Variants in SLC22A15 observed in about 807,000 individuals in gnomAD.
The protein encoded by SLC22A15 is solute carrier family 22 member 15.
In SLC22A15, 45 loss-of-function variants were observed where a neutral mutation model predicts 62.7. That is an observed-to-expected ratio of 0.72 (90% CI 0.56 to 0.92). SLC22A15 has a LOEUF of 0.92. Ranked by LOEUF, SLC22A15 falls within the 40% of genes least tolerant of loss-of-function variation. The pLI is 0.00. For missense variants in SLC22A15, 622 were observed against 665.6 expected (o/e 0.93, Z 0.72); for synonymous variants, 264 against 267.0 (o/e 0.99, Z 0.11).
At chr1:115,997,566 G>A (rs1655490711) in intron 2 of SLC22A15, among the ~76,000 whole-genome samples, 1 of 151,986 alleles carries the variant, frequency 6.6e-6, no homozygotes, top group Non-Finnish European at 1.5e-5. Context: ...TGTAGCTTTT[G>A]TAAATGGGAT....
At chr1:116,051,993 T>C (rs955094060) in intron 8 of SLC22A15, among the ~76,000 whole-genome samples, 36 of 152,166 alleles carry the variant, frequency 2.4e-4, no homozygotes, top group Non-Finnish European at 4.6e-4. Context: ...GATGGGTGAT[T>C]TCTGCATTTC....
intron 8 of SLC22A15, among the ~76,000 whole-genome samples, chr1:116,039,413 A>G (rs920844244): frequency 2.4e-4 from 37 of 152,032 alleles, no homozygotes; most frequent in African/African-American, 7.2e-4. Flanking sequence ...GGTGCCTGTA[A>G]TCCTAGCTAC....
chr1:116,001,527 C>A lies in SLC22A15; in HGVS notation c.300+9284C>A, dbSNP rs372994410. Among the ~76,000 whole-genome samples the A allele has an allele frequency of 4.6e-5, 7 of 151,834 alleles. No homozygotes were observed. The South Asian group carries it at 8.3e-4, about 18-fold the overall frequency. ...TAGGCATGCTTTATTATTTTTTATT[C>A]TTTTTTCTTTTGATTCCTCTGTGTA... On this transcript the variant is annotated intron_variant, in intron 2 of 11. Transcript: ENST00000369503.
In SLC22A15 at chr1:116,065,783, A is replaced by G. The variant is rs373090586; in HGVS notation, c.1366-737A>G. Among the ~76,000 whole-genome samples, 9 of 152,332 alleles carry G rather than the reference A, an allele frequency of 5.9e-5. No homozygotes were observed. The East Asian group carries it at 7.7e-4, about 13-fold the overall frequency. On this transcript the variant is annotated intron_variant, in intron 10 of 11. Coordinates refer to ENST00000369503, the MANE Select transcript of SLC22A15 (RefSeq NM_018420.3). ...ATTTGGAAGCCTAAACCAGAAGATCATAAAGCTTAGCAGGAATTCTAAAAT... is the reference window on the plus strand; with the variant it reads ...ATTTGGAAGCCTAAACCAGAAGATCGTAAAGCTTAGCAGGAATTCTAAAAT...
At chr1:116,031,942 T>C (rs574257103) in intron 6 of SLC22A15, 143 of 1,080,688 alleles carry the variant, frequency 1.3e-4, no homozygotes, top group Non-Finnish European at 1.6e-4. Flanking sequence ...AGTTTTTAAA[T>C]AGGACTTTAA....
In SLC22A15 at chr1:116,051,025, A is replaced by G. The variant is rs186801837; in HGVS notation, c.1172-11737A>G. Reference sequence around the variant, plus strand: ...AATATACCTAACCAAGGAGTCAAAAAACCTCTACAAGGAAAACTACAAAAC... The same window carrying G: ...AATATACCTAACCAAGGAGTCAAAAGACCTCTACAAGGAAAACTACAAAAC... On this transcript the variant is annotated intron_variant, in intron 8 of 11. Coordinates refer to ENST00000369503, the MANE Select transcript of SLC22A15 (RefSeq NM_018420.3). Among the ~76,000 whole-genome samples, 448 of 152,312 alleles carry G rather than the reference A, an allele frequency of 2.9e-3. 1 individual carries two copies. The highest frequency in any genetic ancestry group is 9.4e-3 in the African/African-American group (389 of 41,588).
intron 1 of SLC22A15, among the ~76,000 whole-genome samples, chr1:115,978,677 G>T (rs1654445495): frequency 1.3e-5 from 2 of 152,138 alleles, no homozygotes; most frequent in Admixed American, 1.3e-4. Flanking sequence ...GCTACCCTGG[G>T]TATGAGAGTG....
rs1185384562 is a variant in SLC22A15, at chr1:115,983,155, A to G, written c.87+6441A>G. On this transcript the variant is annotated intron_variant, in intron 1 of 11. Coordinates refer to ENST00000369503, the MANE Select transcript of SLC22A15 (RefSeq NM_018420.3). Reference sequence around the variant, plus strand: ...AAATATTTCTGTTTTAACAAAGGGAATGAGCTAGCATGAAAGAATTAGAGG... The same window carrying G: ...AAATATTTCTGTTTTAACAAAGGGAGTGAGCTAGCATGAAAGAATTAGAGG... 2.0e-5 allele frequency among the ~76,000 whole-genome samples: 3 copies of G among 152,232 alleles called. No homozygotes were observed. In the East Asian group the frequency reaches 5.8e-4, roughly 29 times the overall value.
chr1:115,991,082 G>A (rs1267870005), intron 1 of SLC22A15, among the ~76,000 whole-genome samples: 1 of 152,136 alleles, frequency 6.6e-6, no homozygotes, highest in Non-Finnish European at 1.5e-5. Context: ...TAAGTTAATA[G>A]GGATAGTTTA....
intron 8 of SLC22A15, among the ~76,000 whole-genome samples, chr1:116,046,022 G>A (rs907896959): frequency 2.0e-5 from 3 of 151,886 alleles, no homozygotes; most frequent in Admixed American, 6.6e-5. Context: ...TTTAAAAAAC[G>A]GTGCTGAAAT....
At position 115,976,785 on chromosome 1, in the gene SLC22A15, C is replaced by T. The variant is rs1435096846; in HGVS notation, c.87+71C>T. 4.1e-6 allele frequency: 5 copies of T among 1,227,596 alleles called. No homozygotes were observed. The Admixed American group carries it at 7.8e-5, about 19-fold the overall frequency. 76.0% of individuals were successfully genotyped at this position (1,227,596 alleles called of 1,614,324 possible). ...CCCGGCGCAGGGCTAGGCGTCCGCT[C>T]CCAGACCGCCGGGGCCGGGGCCGAG... On this transcript the variant is annotated intron_variant, in intron 1 of 11. Transcript: ENST00000369503.
intron 2 of SLC22A15, among the ~76,000 whole-genome samples, chr1:116,016,331 G>A (rs1364201138): frequency 6.6e-6 from 1 of 152,038 alleles, no homozygotes; most frequent in Non-Finnish European, 1.5e-5. Flanking sequence ...GGCTCAATCA[G>A]TTCTGCCACC....
At chr1:115,991,534 C>T (rs928105014) in intron 1 of SLC22A15, among the ~76,000 whole-genome samples, 2 of 152,102 alleles carry the variant, frequency 1.3e-5, no homozygotes, top group South Asian at 4.1e-4. Context: ...TAAAACAATA[C>T]AATATATATT....
Position 116,011,457 on chromosome 1 carries a change from C to G in SLC22A15, c.301-8125C>G, listed in dbSNP as rs112509039. 8.3e-4 allele frequency among the ~76,000 whole-genome samples: 127 copies of G among 152,240 alleles called. 1 individual carries two copies. The highest frequency in any genetic ancestry group is 3.0e-3 in the African/African-American group (125 of 41,552). On this transcript the variant is annotated intron_variant, in intron 2 of 11. Transcript: ENST00000369503. ...CCCTGTATGCCCGTAAACCCACAAC[C>G]TGATGCTTGAAGTCATGACCTGGAG...
At chr1:116,001,366 A>G (rs1655721621) in intron 2 of SLC22A15, among the ~76,000 whole-genome samples, 1 of 151,928 alleles carries the variant, frequency 6.6e-6, no homozygotes, top group Non-Finnish European at 1.5e-5. Context: ...TTTACTATTG[A>G]TATCTTTCTC....
chr1:116,036,866 A>G (rs1050679771), intron 7 of SLC22A15, among the ~76,000 whole-genome samples: 26 of 152,236 alleles, frequency 1.7e-4, no homozygotes, highest in African/African-American at 5.5e-4. Context: ...TTTAAACTGC[A>G]TAAAACCAGA....
chr1:116,016,880 T>A (rs1232866745), intron 2 of SLC22A15, among the ~76,000 whole-genome samples: 1 of 152,200 alleles, frequency 6.6e-6, no homozygotes, highest in Non-Finnish European at 1.5e-5. Flanking sequence ...AAGCCATCAT[T>A]ATCTCCTAAA....
intron 8 of SLC22A15, among the ~76,000 whole-genome samples, chr1:116,051,934 C>T (rs554212480): frequency 1.9e-4 from 29 of 152,258 alleles, no homozygotes; most frequent in Non-Finnish European, 3.5e-4. Flanking sequence ...CCAAGATGGC[C>T]GAATAGGAAC....
chr1:116,015,896 T>C (rs187220677), intron 2 of SLC22A15, among the ~76,000 whole-genome samples: 2 of 152,284 alleles, frequency 1.3e-5, no homozygotes, highest in African/African-American at 4.8e-5. Flanking sequence ...CAACCTGATA[T>C]CTCATATTGA....
Sources: gnomAD v4.1 joint callset for allele counts (sites outside exome capture counted in the v4.1 genomes callset) on GRCh38, gnomAD v4.1.1 for gene constraint, MANE v1.5 for transcripts, NCBI Gene and HGNC (gene_info 2026-07-23, HGNC 2026-07-21) for gene names.